The following KCNJ3 variants were observed in gnomAD, a reference collection of about 807,000 sequenced individuals.
KCNJ3 encodes potassium inwardly rectifying channel subfamily J member 3, also known as G protein-activated inward rectifier potassium channel 1.
Under a neutral mutation model 39.2 loss-of-function variants are expected in KCNJ3, and 4 were observed. The ratio of observed to expected loss-of-function variants is 0.10; its 90% CI spans 0.05 to 0.23. The LOEUF is 0.23. Among genes scored for constraint, KCNJ3 ranks in the 10% least tolerant of loss-of-function variants. KCNJ3 has a pLI of 1.00. For synonymous variants in KCNJ3, 230 were observed against 237.4 expected (o/e 0.97, Z 0.29); for missense variants, 276 against 634.9 (o/e 0.43, Z 6.08).
chr2:154,816,892 C>G (rs1192270842), intron 2 of KCNJ3, among the ~76,000 whole-genome samples: 5 of 152,154 alleles, frequency 3.3e-5, no homozygotes, highest in African/African-American at 1.2e-4. Context: ...ATCGCAATTT[C>G]TCATTGGCCT....
rs577564935 is a variant in KCNJ3, at chr2:154,781,020, T to C, written c.919+71201T>C. 1.2e-4 allele frequency among the ~76,000 whole-genome samples: 18 copies of C among 152,292 alleles called. No homozygotes were observed. In the East Asian group the frequency reaches 3.5e-3, roughly 29 times the overall value. Reference sequence around the variant, plus strand: ...GAAAGGGCTTTCACTGTAATCGCAGTTGGTCCTTAAATGAGGACGAGAAAG... The same window carrying C: ...GAAAGGGCTTTCACTGTAATCGCAGCTGGTCCTTAAATGAGGACGAGAAAG... On this transcript the variant is annotated intron_variant, in intron 2 of 2. Coordinates refer to ENST00000295101, the MANE Select transcript of KCNJ3 (RefSeq NM_002239.4).
chr2:154,713,368 C>T (rs1347412084), intron 2 of KCNJ3, among the ~76,000 whole-genome samples: 1 of 151,972 alleles, frequency 6.6e-6, no homozygotes, highest in Non-Finnish European at 1.5e-5. Context: ...CCTCTTTTAC[C>T]CTCCTACCCT....
intron 2 of KCNJ3, among the ~76,000 whole-genome samples, chr2:154,823,691 G>A (rs1328885551): frequency 2.0e-5 from 3 of 151,960 alleles, no homozygotes; most frequent in Non-Finnish European, 4.4e-5. Context: ...CTTAAGTGGT[G>A]TCCCCAATCT....
intron 2 of KCNJ3, among the ~76,000 whole-genome samples, chr2:154,761,062 C>CTTTTTTTTTTTTTTTTTT (rs11375045): frequency 7.5e-6 from 1 of 133,938 alleles, no homozygotes; most frequent in African/African-American, 2.8e-5. Flanking sequence ...TTAATTTTTT[C>CTTTTTTTTTTTTTTTTTT]TTTTTTTTTT....
chr2:154,735,956 G>A (rs3111004), intron 2 of KCNJ3, among the ~76,000 whole-genome samples: 57,118 of 151,774 alleles, frequency 0.38, 10,901 homozygotes, highest in Non-Finnish European at 0.41. Flanking sequence ...CTTCTTATTT[G>A]ATACATTAAA....
At position 154,709,789 on chromosome 2, in the gene KCNJ3, G is replaced by A. The variant is rs772631957; in HGVS notation, c.889G>A (p.Val297Ile). The change falls in exon 2 of 3, where the codon GTC (valine) becomes ATC (isoleucine). Residue 297 changes from valine (V) to isoleucine (I), a missense_variant. This residue lies in a region of KCNJ3 where 77 missense variants were observed against 200.0 expected (regional missense o/e 0.38). Transcript: ENST00000295101. ...GCAAACTGAACAGTTCGAGATTGTC[G>A]TCATCCTAGAAGGCATTGTGGAAAC... The part of the protein sequence containing the change: ...SMQTEQFEIV[V>I]ILEGIVETTG... 4 of 1,613,762 alleles carry A rather than the reference G, an allele frequency of 2.5e-6. No homozygotes were observed. Among genetic ancestry groups the A allele is most frequent in the Non-Finnish European group, 1.7e-6 (2 of 1,179,780 alleles).
chr2:154,840,606 G>T lies in KCNJ3; in HGVS notation c.920-14121G>T, dbSNP rs183132223. On this transcript the variant is annotated intron_variant, in intron 2 of 2. Transcript: ENST00000295101. Reference sequence around the variant, plus strand: ...TTCCATTTATTTGTGTCCTCTTTTAGTTCGTTGAGCAGTGGTTTGTAGTTC... The same window carrying T: ...TTCCATTTATTTGTGTCCTCTTTTATTTCGTTGAGCAGTGGTTTGTAGTTC... Among the ~76,000 whole-genome samples the T allele has an allele frequency of 2.9e-4, 44 of 152,152 alleles. No homozygotes were observed. In the East Asian group the frequency reaches 4.4e-3, roughly 15 times the overall value.
At chr2:154,806,274 C>T (rs1686909742) in intron 2 of KCNJ3, among the ~76,000 whole-genome samples, 1 of 152,120 alleles carries the variant, frequency 6.6e-6, no homozygotes, top group African/African-American at 2.4e-5. Flanking sequence ...GTATGAGCAT[C>T]AGCAAAGTTG....
intron 2 of KCNJ3, among the ~76,000 whole-genome samples, chr2:154,840,113 G>T (rs1179175978): frequency 4.6e-5 from 7 of 152,154 alleles, no homozygotes; most frequent in South Asian, 2.1e-4. Flanking sequence ...TACTTTTTAT[G>T]TAAGGTGTAA....
intron 2 of KCNJ3, among the ~76,000 whole-genome samples, chr2:154,807,933 G>A (rs759550465): frequency 3.3e-5 from 5 of 152,006 alleles, no homozygotes; most frequent in Admixed American, 6.6e-5. Context: ...TCCTCCCCAG[G>A]TGTTGGAGTT....
At chr2:154,790,692 G>T (rs1041919977) in intron 2 of KCNJ3, among the ~76,000 whole-genome samples, 2 of 151,962 alleles carry the variant, frequency 1.3e-5, no homozygotes, top group South Asian at 4.1e-4. Flanking sequence ...TTAAAATTTT[G>T]GATTTTGGGG....
At chr2:154,709,169 A>G (rs773500802) in intron 1 of KCNJ3, among the ~76,000 whole-genome samples, 3 of 152,178 alleles carry the variant, frequency 2.0e-5, no homozygotes, top group East Asian at 1.9e-4. Context: ...TTTCAAAATG[A>G]TGGTCAATCT....
chr2:154,729,235 C>A (rs1320153711), intron 2 of KCNJ3, among the ~76,000 whole-genome samples: 2 of 152,154 alleles, frequency 1.3e-5, no homozygotes, highest in Non-Finnish European at 2.9e-5. Flanking sequence ...ATGACTTGAA[C>A]AAATTGCAAA....
intron 2 of KCNJ3, among the ~76,000 whole-genome samples, chr2:154,816,063 T>C (rs962927076): frequency 6.6e-6 from 1 of 152,210 alleles, no homozygotes; most frequent in African/African-American, 2.4e-5. Context: ...GCAAACTTCA[T>C]GAGGGTGTTG....
At chr2:154,735,440 C>T (rs1574440423) in intron 2 of KCNJ3, among the ~76,000 whole-genome samples, 1 of 152,190 alleles carries the variant, frequency 6.6e-6, no homozygotes, top group East Asian at 1.9e-4. Flanking sequence ...TTCTATATTC[C>T]TGTTAATGTA....
At chr2:154,714,390 C>T (rs1040983960) in intron 2 of KCNJ3, among the ~76,000 whole-genome samples, 2 of 152,028 alleles carry the variant, frequency 1.3e-5, no homozygotes, top group African/African-American at 4.8e-5. Flanking sequence ...TCCATATATC[C>T]TACATCCCTG....
At chr2:154,729,042 T>TTAA (rs1365602610) in intron 2 of KCNJ3, among the ~76,000 whole-genome samples, 2 of 152,168 alleles carry the variant, frequency 1.3e-5, no homozygotes, top group East Asian at 3.8e-4. Flanking sequence ...CTTTGAGGAC[T>TTAA]AACTATGTTT....
At chr2:154,803,238 G>A (rs2591150) in intron 2 of KCNJ3, among the ~76,000 whole-genome samples, 23,999 of 151,724 alleles carry the variant, frequency 0.16, 2,437 homozygotes, top group East Asian at 0.36. Flanking sequence ...AGCCAAAAAA[G>A]CTACTTTTTA....
chr2:154,830,479 C>T (rs1199093774), intron 2 of KCNJ3, among the ~76,000 whole-genome samples: 2 of 151,990 alleles, frequency 1.3e-5, no homozygotes, highest in Non-Finnish European at 2.9e-5. Flanking sequence ...CAGAAAAGAG[C>T]CTCGGAAAAA....
Sources: allele counts gnomAD v4.1 joint callset (sites outside exome capture counted in the v4.1 genomes callset), GRCh38; gene constraint gnomAD v4.1.1; regional missense constraint gnomAD v4.1.1; transcripts MANE v1.5; gene names NCBI Gene and HGNC (gene_info 2026-07-23, HGNC 2026-07-21).